The following MTCL1 variants were observed in gnomAD, a reference collection of about 807,000 sequenced individuals.
The protein encoded by MTCL1 is microtubule crosslinking factor 1.
Under a neutral mutation model 141.4 loss-of-function variants are expected in MTCL1, and 79 were observed. The observed-to-expected ratio is 0.56, with a 90% CI of 0.47 to 0.67. MTCL1 has a LOEUF of 0.67. Among genes scored for constraint, MTCL1 ranks in the 30% least tolerant of loss-of-function variants. The pLI is 0.00. For synonymous variants in MTCL1, 914 were observed against 875.8 expected, an observed-to-expected ratio of 1.04 and a Z score of -0.77; for missense variants, 2,177 against 2,113.9, an observed-to-expected ratio of 1.03 and a Z score of -0.59.
intron 5 of MTCL1, among the ~76,000 whole-genome samples, chr18:8,781,328 A>G (rs551196138): frequency 6.6e-6 from 1 of 152,250 alleles, no homozygotes; most frequent in South Asian, 2.1e-4. Context: ...TTACCCCAGC[A>G]GCGATGATAG....
intron 4 of MTCL1, among the ~76,000 whole-genome samples, chr18:8,756,133 TC>T: frequency 6.6e-6 from 1 of 152,218 alleles, no homozygotes; most frequent in Middle Eastern, 3.4e-3. Context: ...CAAGACCCTC[TC>T]TAAAAAAATA....
At chr18:8,755,117 C>T (rs1239732078) in intron 4 of MTCL1, among the ~76,000 whole-genome samples, 1 of 152,232 alleles carries the variant, frequency 6.6e-6, no homozygotes, top group East Asian at 1.9e-4. Context: ...GCCACGGCTG[C>T]TCTTGCTGCC....
chr18:8,786,113 C>CCCCCA, intron 7 of MTCL1, 22 bp downstream of exon 6: 2 of 1,383,504 alleles, frequency 1.4e-6, no homozygotes, highest in Non-Finnish European at 1.9e-6. Context: ...CAAGCAATCC[C>CCCCCA]CCCCCCCCGC....
chr18:8,825,497 G>C, exon 15 of MTCL1: 1 of 1,611,480 alleles, frequency 6.2e-7, no homozygotes, highest in Non-Finnish European at 8.5e-7. Context: ...GTGTGGGCTT[G>C]CAGACTGAAG....
intron 12 of MTCL1, among the ~76,000 whole-genome samples, chr18:8,814,521 T>C (rs1296676576): frequency 1.3e-5 from 2 of 152,242 alleles, no homozygotes; most frequent in African/African-American, 4.8e-5. Context: ...GAGTCTCCTG[T>C]ATTAAATCTC....
chr18:8,825,992 T>G (rs1403057135), exon 15 of MTCL1: 4 of 1,602,412 alleles, frequency 2.5e-6, no homozygotes, highest in South Asian at 1.1e-5. Context: ...GAAGGTCGCC[T>G]AGCCCCATTG....
chr18:8,766,528 AACATTGTCT>A (rs1441644028), intron 4 of MTCL1, among the ~76,000 whole-genome samples: 1 of 152,240 alleles, frequency 6.6e-6, no homozygotes, highest in Non-Finnish European at 1.5e-5. Flanking sequence ...CCTGCTTTTC[AACATTGTCT>A]GCAATGTTGT....
chr18:8,821,559 T>G, intron 14 of MTCL1, 61 bp downstream of exon 13: 1 of 985,896 alleles, frequency 1.0e-6, no homozygotes. Context: ...TCTTAAAATG[T>G]TGTTTTGTCA....
At chr18:8,785,605 G>A (rs781145879) in intron 6 of MTCL1, 12 of 290,208 alleles carry the variant, frequency 4.1e-5, no homozygotes, top group East Asian at 8.1e-5. Flanking sequence ...GCGTGCTTGC[G>A]GTTGAGTTCT....
intron 4 of MTCL1, among the ~76,000 whole-genome samples, chr18:8,768,785 TTC>T (rs1491554519): frequency 7.2e-6 from 1 of 139,198 alleles, no homozygotes; most frequent in Non-Finnish European, 1.5e-5. Context: ...GATTCTTTTC[TTC>T]TCTTTTTTTT....
exon 17 of MTCL1, chr18:8,831,973 A>AT: frequency 1.3e-6 from 1 of 772,564 alleles, no homozygotes; most frequent in South Asian, 1.9e-5. Context: ...AGATGTTTCT[A>AT]GAATGAAACA....
intron 4 of MTCL1, among the ~76,000 whole-genome samples, chr18:8,756,747 A>T (rs566740845): frequency 6.6e-6 from 1 of 152,198 alleles, no homozygotes; most frequent in African/African-American, 2.4e-5. Context: ...AGTTCTGAGC[A>T]TCTGGGATGT....
chr18:8,738,111 T>C (rs1249658382), intron 4 of MTCL1, among the ~76,000 whole-genome samples: 1 of 152,176 alleles, frequency 6.6e-6, no homozygotes, highest in East Asian at 1.9e-4. Flanking sequence ...CCAGGAGGCC[T>C]CTCCTTTCTG....
exon 17 of MTCL1, chr18:8,831,825 G>A: frequency 3.2e-6 from 5 of 1,549,580 alleles, no homozygotes; most frequent in Non-Finnish European, 4.4e-6. Context: ...GATTATCACA[G>A]TATAATTCAC....
At chr18:8,740,855 G>C (rs745906817) in intron 4 of MTCL1, among the ~76,000 whole-genome samples, 6 of 152,198 alleles carry the variant, frequency 3.9e-5, no homozygotes, top group African/African-American at 1.4e-4. Context: ...CAGGGGCTGT[G>C]TGGTATTCCT....
At chr18:8,783,958 A>G in exon 6 of MTCL1, 1 of 1,613,728 alleles carries the variant, frequency 6.2e-7, no homozygotes, top group South Asian at 1.1e-5. Context: ...AGTTTGTAGA[A>G]GAGGAAGCGG....
chr18:8,776,738 TTTATTTATTTATTTA>T (rs2096511283), intron 4 of MTCL1, among the ~76,000 whole-genome samples: 1 of 107,986 alleles, frequency 9.3e-6, no homozygotes. Context: ...TATTTATTTA[TTTATTTATTTATTTA>T]TTTATTTATT....
rs199678840 is a variant in MTCL1 at position 8,720,022 on chromosome 18, A to T, written c.199-316A>T. 24 of 101,702 alleles carry T rather than the reference A, an allele frequency of 2.4e-4. No individual in the cohort carries two copies. In the South Asian group the frequency reaches 5.1e-3, roughly 22 times the overall value. 6.3% of individuals were successfully genotyped at this position (101,702 alleles called of 1,614,324 possible). On this transcript the variant is annotated intron_variant, in intron 3 of 16. Coordinates refer to ENST00000359865, the Ensembl canonical transcript of MTCL1. ...GTTATCCAAAGTGGGCTTTAAAAAC[A>T]ATTTATTTATTTTAAAGCCATTTAA...
chr18:8,823,593 G>A (rs1484915038), intron 14 of MTCL1, among the ~76,000 whole-genome samples: 1 of 152,218 alleles, frequency 6.6e-6, no homozygotes, highest in East Asian at 1.9e-4. Context: ...ACTGGATATA[G>A]CCAGCTTGTG....
Sources: gnomAD v4.1 joint callset for allele counts (sites outside exome capture counted in the v4.1 genomes callset) on GRCh38, gnomAD v4.1.1 for gene constraint, MANE v1.5 for transcripts, NCBI Gene and HGNC (gene_info 2026-07-23, HGNC 2026-07-21) for gene names.